CAMTA1: variants seen among roughly 807,000 people sequenced by gnomAD.
CAMTA1 encodes calmodulin-binding transcription activator 1.
CAMTA1 carries 27 observed loss-of-function variants against 170.9 expected under a neutral mutation model. That is an observed-to-expected ratio of 0.16 (90% confidence interval 0.12 to 0.22). The LOEUF (loss-of-function observed/expected upper bound fraction) is 0.22, where lower values mean the gene tolerates loss of function less well. Among genes scored for constraint, CAMTA1 ranks in the 10% least tolerant of loss-of-function variants. CAMTA1 has a pLI of 1.00. For synonymous variants in CAMTA1, 833 were observed against 891.5 expected (o/e 0.93, Z 1.17); for missense variants, 1,619 against 2,217.2 (o/e 0.73, Z 5.42).
chr1:7,418,220 G>A (rs1181689827), intron 5 of CAMTA1, among the ~76,000 whole-genome samples: 4 of 152,090 alleles, frequency 2.6e-5, no homozygotes, highest in Admixed American at 6.5e-5. Flanking sequence ...TGTTGAGATG[G>A]AGTCTTACTT....
chr1:7,475,298 G>A (rs1217235659), intron 6 of CAMTA1, among the ~76,000 whole-genome samples: 6 of 152,152 alleles, frequency 3.9e-5, no homozygotes, highest in South Asian at 2.1e-4. Flanking sequence ...GCCATCTATC[G>A]CTGGGGCAGG....
intron 5 of CAMTA1, among the ~76,000 whole-genome samples, chr1:7,304,720 T>G (rs1342871763): frequency 6.6e-6 from 1 of 151,934 alleles, no homozygotes. Flanking sequence ...TTGTATTAGA[T>G]TGTTGGTTTT....
intron 5 of CAMTA1, among the ~76,000 whole-genome samples, chr1:7,394,855 CTG>C (rs1269251261): frequency 7.0e-6 from 1 of 143,224 alleles, no homozygotes; most frequent in East Asian, 2.1e-4. Context: ...GTGTGTGTGT[CTG>C]TGTGTGTGGT....
chr1:7,558,615 G>A lies in CAMTA1; in HGVS notation c.511-81785G>A, dbSNP rs115542044. On this transcript the variant is annotated intron_variant, in intron 6 of 22. Transcript: ENST00000303635. ...GTGGGCATGGTCCTGAAGATGGGAAGGAATACCTCAGCCATGTACATCCCT... is the reference window on the plus strand; with the variant it reads ...GTGGGCATGGTCCTGAAGATGGGAAAGAATACCTCAGCCATGTACATCCCT... 2.7e-3 allele frequency among the ~76,000 whole-genome samples: 409 copies of A among 152,350 alleles called. 5 individuals are homozygous for A. Among genetic ancestry groups the A allele is most frequent in the African/African-American group, 9.4e-3 (390 of 41,588 alleles).
intron 6 of CAMTA1, among the ~76,000 whole-genome samples, chr1:7,497,418 G>T (rs550346929): frequency 5.3e-5 from 8 of 152,306 alleles, no homozygotes; most frequent in Non-Finnish European, 1.2e-4. Flanking sequence ...CCCTGGCTCT[G>T]CTCCTCACTC....
At chr1:6,830,228 G>A (rs1649279431) in intron 3 of CAMTA1, among the ~76,000 whole-genome samples, 1 of 151,726 alleles carries the variant, frequency 6.6e-6, no homozygotes, top group Admixed American at 6.6e-5. Flanking sequence ...AGTAGAGACG[G>A]AGTTTCACCG....
chr1:7,724,438 G>A (rs1231509323), intron 11 of CAMTA1, among the ~76,000 whole-genome samples: 6 of 152,092 alleles, frequency 3.9e-5, no homozygotes, highest in Admixed American at 2.0e-4. Flanking sequence ...AAAATTACTC[G>A]AAAAAATGTT....
At position 7,050,805 on chromosome 1, in the gene CAMTA1, G is replaced by A. The variant is rs1402146566; in HGVS notation, c.235-40499G>A. 6.6e-6 allele frequency among the ~76,000 whole-genome samples: 1 copy of A among 152,118 alleles called. No homozygotes were observed. Among genetic ancestry groups the A allele is most frequent in the East Asian group, 1.9e-4 (1 of 5,184 alleles). On this transcript the variant is annotated intron_variant, in intron 3 of 22. Transcript: ENST00000303635. This position sits in a 1 kb window ranked among gnomAD's most constrained non-coding sequence, Gnocchi z 4.8. Reference sequence around the variant, plus strand: ...TAGTCCTTGTCAGGGTGAGGCAGGCGGAGAAGAGGGGACTCTGGGAAGGAG... The same window carrying A: ...TAGTCCTTGTCAGGGTGAGGCAGGCAGAGAAGAGGGGACTCTGGGAAGGAG...
chr1:6,956,411 G>A (rs915120724), intron 3 of CAMTA1, among the ~76,000 whole-genome samples: 9 of 152,102 alleles, frequency 5.9e-5, no homozygotes, highest in South Asian at 2.1e-4. Context: ...CTTGATGCAC[G>A]GTTTGTGAGT....
intron 4 of CAMTA1, among the ~76,000 whole-genome samples, chr1:7,197,804 C>T (rs1170773268): frequency 2.0e-5 from 3 of 152,090 alleles, no homozygotes; most frequent in Non-Finnish European, 4.4e-5. Context: ...GGTCATTTAG[C>T]TGGAAGGTTG....
intron 11 of CAMTA1, among the ~76,000 whole-genome samples, chr1:7,728,980 C>T (rs777999998): frequency 1.3e-5 from 2 of 152,080 alleles, no homozygotes; most frequent in Admixed American, 6.6e-5. Flanking sequence ...GCAGGATCCT[C>T]CAAGTTTGCC....
intron 11 of CAMTA1, among the ~76,000 whole-genome samples, chr1:7,695,925 G>A (rs975182991): frequency 6.6e-6 from 1 of 152,150 alleles, no homozygotes; most frequent in Non-Finnish European, 1.5e-5. Flanking sequence ...CTTCCTTTGT[G>A]ATTGCTCTGT....
At chr1:7,494,701 G>T (rs1158620123) in intron 6 of CAMTA1, among the ~76,000 whole-genome samples, 1 of 152,202 alleles carries the variant, frequency 6.6e-6, no homozygotes, top group African/African-American at 2.4e-5. Context: ...CTACTCAGGA[G>T]GCTGAGGCAT....
At chr1:7,385,389 T>C (rs1428893485) in intron 5 of CAMTA1, among the ~76,000 whole-genome samples, 1 of 152,202 alleles carries the variant, frequency 6.6e-6, no homozygotes, top group Non-Finnish European at 1.5e-5. Context: ...TGCTTAGACA[T>C]TTGCTTTTGG....
chr1:6,872,968 A>G (rs750685713), intron 3 of CAMTA1, among the ~76,000 whole-genome samples: 8 of 152,184 alleles, frequency 5.3e-5, no homozygotes, highest in Non-Finnish European at 8.8e-5. Flanking sequence ...TATGTCATTC[A>G]TTAGAACCAC....
chr1:7,677,115 TA>T (rs1341144803), intron 10 of CAMTA1, among the ~76,000 whole-genome samples: 1 of 152,016 alleles, frequency 6.6e-6, no homozygotes, highest in African/African-American at 2.4e-5. Context: ...GCAGAAGAAC[TA>T]AAAATACAAG....
At chr1:7,524,047 C>T (rs1026663854) in intron 6 of CAMTA1, among the ~76,000 whole-genome samples, 1 of 149,906 alleles carries the variant, frequency 6.7e-6, no homozygotes, top group Non-Finnish European at 1.5e-5. Flanking sequence ...ACTAATAATA[C>T]AAAAATTAGC....
chr1:6,864,732 A>G (rs1234708757), intron 3 of CAMTA1, among the ~76,000 whole-genome samples: 1 of 152,092 alleles, frequency 6.6e-6, no homozygotes, highest in Non-Finnish European at 1.5e-5. Flanking sequence ...TTCAGGGGAC[A>G]TTTCCCATCC....
At chr1:7,608,174 G>A (rs1034063667) in intron 6 of CAMTA1, among the ~76,000 whole-genome samples, 1 of 152,282 alleles carries the variant, frequency 6.6e-6, no homozygotes, top group Admixed American at 6.5e-5. Flanking sequence ...TCTCCTGCCC[G>A]CTCCTCTGAC....
Sources: gnomAD v4.1 joint callset for allele counts (sites outside exome capture counted in the v4.1 genomes callset) on GRCh38, gnomAD v4.1.1 for gene constraint, Gnocchi (gnomAD v3.1) non-coding constraint, MANE v1.5 for transcripts, NCBI Gene and HGNC (gene_info 2026-07-23, HGNC 2026-07-21) for gene names.